The following MAD1L1 variants were observed in gnomAD, a reference collection of about 807,000 sequenced individuals.
MAD1L1 encodes the protein mitotic arrest deficient 1 like 1.
MAD1L1 carries 95 observed loss-of-function variants against 96.9 expected under a neutral mutation model. That is an observed-to-expected ratio of 0.98 (90% CI 0.83 to 1.16). The LOEUF (loss-of-function observed/expected upper bound fraction) is 1.16. MAD1L1 is among the 50% of genes most tolerant of loss of function. The pLI, the probability that MAD1L1 is intolerant of heterozygous loss-of-function variation, is 0.00. For missense variants in MAD1L1, 1,007 were observed against 954.4 expected, an observed-to-expected ratio of 1.06 and a Z score of -0.73; for synonymous variants, 473 against 396.6, an observed-to-expected ratio of 1.19 and a Z score of -2.29.
chr7:2,118,896 G>C (rs1562705086), intron 11 of MAD1L1, among the ~76,000 whole-genome samples: 1 of 152,202 alleles, frequency 6.6e-6, no homozygotes, highest in African/African-American at 2.4e-5. Flanking sequence ...CAGAGGAGAA[G>C]CCACCCCGCG....
chr7:1,969,168 G>A (rs1780301620), intron 15 of MAD1L1, among the ~76,000 whole-genome samples: 1 of 152,176 alleles, frequency 6.6e-6, no homozygotes, highest in Admixed American at 6.5e-5. Context: ...TGGATCACCT[G>A]AGGTCAGCAG....
At chr7:1,950,910 C>T (rs964823834) in intron 16 of MAD1L1, among the ~76,000 whole-genome samples, 1 of 152,274 alleles carries the variant, frequency 6.6e-6, no homozygotes, top group African/African-American at 2.4e-5. Context: ...TCTACCTGAG[C>T]TCCCACCACG....
At chr7:2,060,092 C>T (rs1435985909) in intron 12 of MAD1L1, among the ~76,000 whole-genome samples, 1 of 151,096 alleles carries the variant, frequency 6.6e-6, no homozygotes, top group Non-Finnish European at 1.5e-5. Flanking sequence ...CCAAGATACG[C>T]TGATGCCGAG....
chr7:2,082,505 G>C (rs531067631), intron 11 of MAD1L1, among the ~76,000 whole-genome samples: 2 of 152,352 alleles, frequency 1.3e-5, no homozygotes, highest in South Asian at 2.1e-4. Flanking sequence ...AATCAGAGCC[G>C]TGAGGCATGG....
intron 10 of MAD1L1, among the ~76,000 whole-genome samples, chr7:2,211,731 A>C (rs1048294179): frequency 5.2e-5 from 8 of 152,384 alleles, no homozygotes; most frequent in Admixed American, 3.9e-4. Flanking sequence ...GCTCTGACTT[A>C]GCAAAGCTCA....
intron 10 of MAD1L1, among the ~76,000 whole-genome samples, chr7:2,155,546 GA>G (rs1789789354): frequency 1.3e-5 from 2 of 152,108 alleles, no homozygotes; most frequent in Non-Finnish European, 2.9e-5. Flanking sequence ...CCAGCCACAT[GA>G]GTGGAGCCAT....
rs1462472121 is a variant in MAD1L1, at chr7:2,005,129, G to A, written c.1360-3008C>T. Among the ~76,000 whole-genome samples, 5 of 152,264 alleles carry A rather than the reference G, an allele frequency of 3.3e-5. No homozygotes were observed. The East Asian group carries it at 7.8e-4, about 24-fold the overall frequency. On this transcript the variant is annotated intron_variant, in intron 13 of 18. Transcript: ENST00000265854. ...TGGCTCGGCTCACACGCAGGGCCCT[G>A]GGTTCAAGAAGGCAGACATCGACGA...
chr7:2,028,280 C>T (rs1201792356), intron 12 of MAD1L1, among the ~76,000 whole-genome samples: 5 of 151,994 alleles, frequency 3.3e-5, no homozygotes, highest in African/African-American at 1.2e-4. Context: ...AAAAAATTAG[C>T]CGGGCGTGGT....
intron 13 of MAD1L1, among the ~76,000 whole-genome samples, chr7:2,007,187 G>A (rs555635557): frequency 4.6e-5 from 7 of 152,162 alleles, no homozygotes; most frequent in Non-Finnish European, 7.4e-5. Context: ...CACGGGAAAC[G>A]CTGGGCACGT....
At chr7:1,908,431 G>A (rs1433293386) in intron 17 of MAD1L1, among the ~76,000 whole-genome samples, 1 of 152,158 alleles carries the variant, frequency 6.6e-6, no homozygotes, top group Non-Finnish European at 1.5e-5. Flanking sequence ...ACCCAGGCTG[G>A]AGTGCAGTGG....
At chr7:2,089,563 A>G (rs1786100448) in intron 11 of MAD1L1, among the ~76,000 whole-genome samples, 1 of 152,194 alleles carries the variant, frequency 6.6e-6, no homozygotes, top group Non-Finnish European at 1.5e-5. Flanking sequence ...ATACACAGGG[A>G]AAGCAACCAA....
intron 17 of MAD1L1, among the ~76,000 whole-genome samples, chr7:1,906,777 C>T (rs962298290): frequency 2.0e-5 from 3 of 152,236 alleles, no homozygotes; most frequent in South Asian, 2.1e-4. Flanking sequence ...TGAGCGAAGC[C>T]ACCATCCCCT....
chr7:1,823,697 G>A (rs1475711475), intron 18 of MAD1L1, among the ~76,000 whole-genome samples: 5 of 152,122 alleles, frequency 3.3e-5, no homozygotes, highest in African/African-American at 1.2e-4. Flanking sequence ...TGGCATCAGC[G>A]GCCATCGTGA....
chr7:1,839,869 G>C (rs980641604), intron 18 of MAD1L1, among the ~76,000 whole-genome samples: 1 of 151,896 alleles, frequency 6.6e-6, no homozygotes, highest in Admixed American at 6.6e-5. Context: ...GTCCACCCAC[G>C]GCCAGGGCCC....
chr7:1,926,927 A>C (rs977857868), intron 17 of MAD1L1, among the ~76,000 whole-genome samples: 3 of 152,216 alleles, frequency 2.0e-5, no homozygotes, highest in Admixed American at 2.0e-4. Context: ...ATCTTAACAA[A>C]ATAAGCAAAA....
chr7:1,887,574 GCTGC>G (rs1786156506), intron 18 of MAD1L1, among the ~76,000 whole-genome samples: 1 of 138,360 alleles, frequency 7.2e-6, no homozygotes, highest in Admixed American at 7.3e-5. Context: ...CGTGTATGTG[GCTGC>G]CTGTGTGTGT....
chr7:2,000,473 C>A (rs1781743621), intron 14 of MAD1L1, among the ~76,000 whole-genome samples: 1 of 152,222 alleles, frequency 6.6e-6, no homozygotes, highest in African/African-American at 2.4e-5. Flanking sequence ...CTACCAACCA[C>A]CGCGGACCCC....
intron 17 of MAD1L1, among the ~76,000 whole-genome samples, chr7:1,928,720 G>A (rs2128459684): frequency 6.6e-6 from 1 of 152,364 alleles, no homozygotes; most frequent in Middle Eastern, 3.4e-3. Flanking sequence ...GGCGTGGGCA[G>A]GTGGCGGCCC....
rs1293803216 is a variant in MAD1L1 at position 2,146,197 on chromosome 7, C to T, written c.1073+2955G>A. On this transcript the variant is annotated intron_variant, in intron 11 of 18. Coordinates refer to ENST00000265854, the MANE Select transcript of MAD1L1 (RefSeq NM_001013836.2). The surrounding 1 kb of genome is among the most constrained non-coding windows in gnomAD (Gnocchi z 6.2). ...GAGGCACAAGCATTCCGAGATGCTG[C>T]CACGTGAGCTACCCCAGCGGCACCG... is the stretch of plus-strand genomic sequence containing the variant. Among the ~76,000 whole-genome samples, 1 of 152,224 alleles carries T rather than the reference C, an allele frequency of 6.6e-6. No individual in the cohort carries two copies. The highest frequency in any genetic ancestry group is 2.4e-5 in the African/African-American group (1 of 41,446).
Sources: allele counts gnomAD v4.1 joint callset (sites outside exome capture counted in the v4.1 genomes callset), GRCh38; gene constraint gnomAD v4.1.1; non-coding constraint Gnocchi (gnomAD v3.1); transcripts MANE v1.5; gene names NCBI Gene and HGNC (gene_info 2026-07-23, HGNC 2026-07-21).